KCNK2: variants seen among roughly 807,000 people sequenced by gnomAD.
KCNK2 encodes potassium channel subfamily K member 2.
Under a neutral mutation model 40.5 loss-of-function variants are expected in KCNK2, and 21 were observed. That is an observed-to-expected ratio of 0.52 (90% confidence interval 0.37 to 0.75). KCNK2 has a LOEUF of 0.75. Among genes scored for constraint, KCNK2 ranks in the 30% least tolerant of loss-of-function variants. The pLI is 0.00. For synonymous variants in KCNK2, 191 were observed against 202.2 expected (o/e 0.94, Z 0.47); for missense variants, 399 against 531.6 (o/e 0.75, Z 2.45).
chr1:215,233,483 C>G (rs1538542), intron 6 of KCNK2, among the ~76,000 whole-genome samples: 28,260 of 148,872 alleles, frequency 0.19, 3,106 homozygotes, highest in South Asian at 0.47. Flanking sequence ...CACGTACACA[C>G]ACACACATTT....
At chr1:215,215,268 T>C (rs1210615397) in intron 6 of KCNK2, among the ~76,000 whole-genome samples, 1 of 151,966 alleles carries the variant, frequency 6.6e-6, no homozygotes, top group Non-Finnish European at 1.5e-5. Flanking sequence ...AGGAGAGGCA[T>C]TTGAATTTGT....
intron 5 of KCNK2, among the ~76,000 whole-genome samples, chr1:215,181,736 G>A (rs1471836487): frequency 6.6e-6 from 1 of 152,196 alleles, no homozygotes; most frequent in Non-Finnish European, 1.5e-5. Context: ...GTAAGAGCCA[G>A]CTGTGGCCAG....
chr1:215,194,835 A>G (rs1664798211), intron 5 of KCNK2, 118 bp from the exon 6 acceptor site: 1 of 696,948 alleles, frequency 1.4e-6, no homozygotes, highest in Middle Eastern at 3.0e-4. Context: ...CTCCATTGAT[A>G]AGAATACTAG....
intron 3 of KCNK2, among the ~76,000 whole-genome samples, chr1:215,149,384 T>C (rs10779644): frequency 0.57 from 86,282 of 151,988 alleles, 26,455 homozygotes; most frequent in Non-Finnish European, 0.68. Context: ...ATTAAGGTAT[T>C]CCCCAGAGCA....
chr1:215,062,380 A>G (rs1454287992), intron 1 of KCNK2, among the ~76,000 whole-genome samples: 3 of 152,070 alleles, frequency 2.0e-5, no homozygotes, highest in African/African-American at 7.2e-5. Context: ...GCATGTGCTC[A>G]GCTCATGAGC....
chr1:215,165,995 G>C (rs138820825), intron 3 of KCNK2, among the ~76,000 whole-genome samples: 1 of 152,208 alleles, frequency 6.6e-6, no homozygotes, highest in South Asian at 2.1e-4. Context: ...ACGTAAAATG[G>C]TTTTAAACAA....
chr1:215,210,708 G>A (rs1665706181), intron 6 of KCNK2, among the ~76,000 whole-genome samples: 2 of 152,076 alleles, frequency 1.3e-5, no homozygotes, highest in Non-Finnish European at 2.9e-5. Context: ...GAGTATATAA[G>A]CATGTACTAA....
chr1:215,171,455 T>C (rs1389023321), intron 4 of KCNK2, among the ~76,000 whole-genome samples: 2 of 152,090 alleles, frequency 1.3e-5, no homozygotes, highest in East Asian at 1.9e-4. Flanking sequence ...ATCAATTAAA[T>C]TGATGATAAG....
chr1:215,184,972 A>G (rs1194987427), intron 5 of KCNK2, among the ~76,000 whole-genome samples: 2 of 152,126 alleles, frequency 1.3e-5, no homozygotes, highest in East Asian at 3.8e-4. Context: ...GGAAAAAAAT[A>G]TTTTTCTTTA....
chr1:215,023,152 C>G (rs911076898), intron 1 of KCNK2, among the ~76,000 whole-genome samples: 1 of 152,160 alleles, frequency 6.6e-6, no homozygotes, highest in African/African-American at 2.4e-5. Flanking sequence ...CTGTATAAAT[C>G]CTTTCCAAAA....
At chr1:215,005,774 T>C (rs1306177753), upstream of KCNK2, 1 of 682,968 alleles carries the variant, frequency 1.5e-6, no homozygotes, top group Non-Finnish European at 2.6e-6. Flanking sequence ...ATCTACAGGG[T>C]AACATTCACA....
At chr1:215,180,184 T>C (rs1571701445) in intron 5 of KCNK2, among the ~76,000 whole-genome samples, 1 of 152,172 alleles carries the variant, frequency 6.6e-6, no homozygotes, top group East Asian at 1.9e-4. Flanking sequence ...TGACCTCTAC[T>C]CTTTTTCATG....
At chr1:215,064,817 T>C (rs1424908450) in intron 1 of KCNK2, among the ~76,000 whole-genome samples, 6 of 152,330 alleles carry the variant, frequency 3.9e-5, no homozygotes, top group Non-Finnish European at 8.8e-5. Flanking sequence ...AATTATATTA[T>C]ATTATTACAT....
intron 6 of KCNK2, among the ~76,000 whole-genome samples, chr1:215,218,632 C>T (rs958957720): frequency 2.6e-5 from 4 of 152,170 alleles, no homozygotes; most frequent in Non-Finnish European, 4.4e-5. Flanking sequence ...ATGCATGCTT[C>T]GCTATCTCCA....
At chr1:215,183,377 C>T (rs1405503658) in intron 5 of KCNK2, among the ~76,000 whole-genome samples, 3 of 152,218 alleles carry the variant, frequency 2.0e-5, no homozygotes, top group Non-Finnish European at 2.9e-5. Context: ...AATTTTCAAA[C>T]TTAGGACAGC....
chr1:215,188,985 G>A (rs1018457123), intron 5 of KCNK2, among the ~76,000 whole-genome samples: 3 of 152,182 alleles, frequency 2.0e-5, no homozygotes, highest in African/African-American at 7.2e-5. Context: ...GTTCCTGTAA[G>A]ACAGAATGTA....
intron 1 of KCNK2, among the ~76,000 whole-genome samples, chr1:215,013,986 T>A (rs2601641): frequency 6.6e-6 from 1 of 151,906 alleles, no homozygotes; most frequent in Non-Finnish European, 1.5e-5. Context: ...TCTTTGTGTT[T>A]TTCCTTATAT....
At chr1:215,233,323 A>G (rs532772442) in intron 6 of KCNK2, among the ~76,000 whole-genome samples, 9 of 152,200 alleles carry the variant, frequency 5.9e-5, no homozygotes, top group African/African-American at 2.2e-4. Context: ...AAGGCCTGTT[A>G]AAATAAAAAA....
At chr1:215,126,647 AT>A (rs1661449331) in intron 3 of KCNK2, among the ~76,000 whole-genome samples, 1 of 152,132 alleles carries the variant, frequency 6.6e-6, no homozygotes, top group South Asian at 2.1e-4. Flanking sequence ...AAACAGTCTC[AT>A]TTTTTGAATC....
Sources: gnomAD v4.1 joint callset for allele counts (sites outside exome capture counted in the v4.1 genomes callset) on GRCh38, gnomAD v4.1.1 for gene constraint, MANE v1.5 for transcripts, NCBI Gene and HGNC (gene_info 2026-07-23, HGNC 2026-07-21) for gene names.